ARHGEF12: variants seen among roughly 807,000 people sequenced by gnomAD.
ARHGEF12 encodes KMT2A/ARHGEF12 fusion protein.
A neutral mutation model predicts 211.2 loss-of-function variants in ARHGEF12; 66 were observed. The observed-to-expected ratio is 0.31, with a 90% confidence interval of 0.26 to 0.38. The LOEUF is 0.38. ARHGEF12 is among the 10% of genes least tolerant of loss of function. The probability of loss-of-function intolerance (pLI) is 1.00; values close to 1 mark genes in which losing one functional copy is unlikely to be tolerated. For synonymous variants in ARHGEF12, 592 were observed against 638.4 expected (o/e 0.93, Z 1.09); for missense variants, 1,429 against 1,869.5 (o/e 0.76, Z 4.34).
At chr11:120,371,356 C>T (rs536266642) in intron 1 of ARHGEF12, among the ~76,000 whole-genome samples, 1 of 152,128 alleles carries the variant, frequency 6.6e-6, no homozygotes, top group Admixed American at 6.5e-5. Context: ...GGTGTGCTGG[C>T]GCATGCCTGT....
rs773639284 is a variant in ARHGEF12, at chr11:120,469,296, A to G, written c.2863A>G (p.Thr955Ala). 9.9e-6 allele frequency: 16 copies of G among 1,612,026 alleles called. No homozygotes were observed. The highest frequency in any genetic ancestry group is 6.6e-5 in the South Asian group (6 of 90,670). Residue 955 changes from threonine to alanine, a missense_variant, in exon 30 of 41, where the codon ACA (threonine) becomes GCA (alanine). Around this residue, in one of 7 missense-constraint regions of ARHGEF12, gnomAD observed 223 missense variants for 444.6 expected, o/e 0.50. Coordinates refer to ENST00000397843, the MANE Select transcript of ARHGEF12 (RefSeq NM_015313.3). ...TTCTTTCCCATATTTAGAATGGCCAACAGAAAGGGAGAAGGTGAAGAAAGC... is the reference window on the plus strand; with the variant it reads ...TTCTTTCCCATATTTAGAATGGCCAGCAGAAAGGGAGAAGGTGAAGAAAGC... ...DNIAKYTEWP[T>A]EREKVKKAAD...
chr11:120,436,912 C>T (rs2135755768), intron 11 of ARHGEF12, among the ~76,000 whole-genome samples: 1 of 152,168 alleles, frequency 6.6e-6, no homozygotes, highest in South Asian at 2.1e-4. Flanking sequence ...CTTAATTGTA[C>T]TCATAAGTAG....
At chr11:120,438,078 T>C (rs958467288) in intron 12 of ARHGEF12, among the ~76,000 whole-genome samples, 1 of 152,226 alleles carries the variant, frequency 6.6e-6, no homozygotes, top group Non-Finnish European at 1.5e-5. Context: ...TTGTTTGATC[T>C]TACGTATTCT....
At chr11:120,423,748 G>A (rs1207763640) in intron 6 of ARHGEF12, among the ~76,000 whole-genome samples, 1 of 152,018 alleles carries the variant, frequency 6.6e-6, no homozygotes, top group East Asian at 1.9e-4. Context: ...TTGTACTTCT[G>A]TTTTTTACAC....
intron 1 of ARHGEF12, among the ~76,000 whole-genome samples, chr11:120,384,520 G>A (rs1299341281): frequency 4.6e-5 from 7 of 152,290 alleles, no homozygotes; most frequent in Non-Finnish European, 8.8e-5. Flanking sequence ...ATTTTTTAGA[G>A]CAGTGTTTGA....
chr11:120,360,925 TA>T (rs1456902943), intron 1 of ARHGEF12, among the ~76,000 whole-genome samples: 1 of 152,190 alleles, frequency 6.6e-6, no homozygotes, highest in African/African-American at 2.4e-5. Context: ...CAGTTAGCAA[TA>T]AAAGGGCCTT....
rs1942373545 is a variant in ARHGEF12 at position 120,337,130 on chromosome 11, G to C, written c.-114G>C. On this transcript the variant is annotated 5_prime_UTR_variant, in exon 1 of 41. Transcript: ENST00000397843. ...GATGACTGAATGGAGTTTTGAGTTG[G>C]ACTTTTGTGTCCCTGACGGAGTTGG... 8 of 1,304,404 alleles carry C rather than the reference G, an allele frequency of 6.1e-6. No homozygotes were observed. Among genetic ancestry groups the C allele is most frequent in the African/African-American group, 2.9e-5 (2 of 69,036 alleles). The allele number at this position is 1,304,404 out of a possible 1,614,324, so 80.8% of individuals were successfully genotyped here.
At chr11:120,380,408 T>A (rs868175702) in intron 1 of ARHGEF12, among the ~76,000 whole-genome samples, 1 of 152,208 alleles carries the variant, frequency 6.6e-6, no homozygotes, top group Admixed American at 6.5e-5. Context: ...GGATCAAATT[T>A]AGGATACCAC....
At chr11:120,453,981 T>C (rs899347578) in intron 22 of ARHGEF12, among the ~76,000 whole-genome samples, 2 of 152,304 alleles carry the variant, frequency 1.3e-5, no homozygotes, top group East Asian at 1.9e-4. Flanking sequence ...CTGTCACTTG[T>C]AGACTAGAAG....
Position 120,385,547 on chromosome 11 carries a change from A to G in ARHGEF12, c.33-20571A>G, listed in dbSNP as rs145592488. On this transcript the variant is annotated intron_variant, in intron 1 of 40. Transcript: ENST00000397843. ...ATAAAATGGAGCAAAATGGTAGAAAAATAGCTTCAGTGAAAGGGATGTACC... is the reference window on the plus strand; with the variant it reads ...ATAAAATGGAGCAAAATGGTAGAAAGATAGCTTCAGTGAAAGGGATGTACC... 323 of 935,570 alleles carry G rather than the reference A, an allele frequency of 3.5e-4. No homozygotes were observed. The African/African-American group carries it at 3.9e-3, about 11-fold the overall frequency. 58.0% of individuals were successfully genotyped at this position (935,570 alleles called of 1,614,324 possible). A position where few individuals can be genotyped will look rare whatever the true frequency, so the allele number is the denominator to read the frequency against.
chr11:120,399,321 CAAAAAAAAA>C (rs71050743), intron 1 of ARHGEF12, among the ~76,000 whole-genome samples: 291 of 36,490 alleles, frequency 8.0e-3, no homozygotes, highest in Middle Eastern at 0.028. Context: ...ACATTGTCTC[CAAAAAAAAA>C]AAAAAAAAAA....
intron 1 of ARHGEF12, among the ~76,000 whole-genome samples, chr11:120,363,094 C>T (rs990893082): frequency 5.3e-5 from 8 of 151,898 alleles, no homozygotes; most frequent in East Asian, 1.9e-4. Flanking sequence ...AGCGAGACTC[C>T]GTCTCAAAAA....
chr11:120,397,674 CA>C (rs1250335025), intron 1 of ARHGEF12, among the ~76,000 whole-genome samples: 1 of 152,166 alleles, frequency 6.6e-6, no homozygotes, highest in Non-Finnish European at 1.5e-5. Flanking sequence ...AAAAACAAAG[CA>C]GCTCTGATAT....
At chr11:120,376,221 A>G (rs953202131) in intron 1 of ARHGEF12, among the ~76,000 whole-genome samples, 1 of 116,656 alleles carries the variant, frequency 8.6e-6, no homozygotes, top group Non-Finnish European at 1.8e-5. Context: ...TGAAATGTTA[A>G]ATTTTTTTTT....
chr11:120,395,559 T>C (rs1944357468), intron 1 of ARHGEF12, among the ~76,000 whole-genome samples: 1 of 152,186 alleles, frequency 6.6e-6, no homozygotes. Context: ...GACTGGGTAA[T>C]TTATAAAGGA....
chr11:120,429,779 AAC>A lies in ARHGEF12; in HGVS notation c.735_736del (p.Ile246SerfsTer34), dbSNP rs1347971269. The stretch of plus-strand genomic sequence containing the variant: ...CTAAAAGAGATCCAAGAGGCCAAGA[AAC>A]ACATTCCTCAGCTGCAAGAGCAGTT... On this transcript the variant is annotated frameshift_variant, in exon 10 of 41. Coordinates refer to ENST00000397843, the MANE Select transcript of ARHGEF12 (RefSeq NM_015313.3). LOFTEE classifies it high-confidence loss of function. 6.2e-7 allele frequency: 1 copy of A among 1,613,926 alleles called. No homozygotes were observed. Among genetic ancestry groups the A allele is most frequent in the Admixed American group, 1.7e-5 (1 of 60,024 alleles).
Position 120,412,056 on chromosome 11 carries a change from G to A in ARHGEF12, c.199+2606G>A, listed in dbSNP as rs1014923009. ...TTTTTTTGTTACATTTCTGCCCAGTGCGGTCAGTTGGTTATTTATTCCATT... is the reference window on the plus strand; with the variant it reads ...TTTTTTTGTTACATTTCTGCCCAGTACGGTCAGTTGGTTATTTATTCCATT... On this transcript the variant is annotated intron_variant, in intron 4 of 40. Coordinates refer to ENST00000397843, the MANE Select transcript of ARHGEF12 (RefSeq NM_015313.3). 7.9e-5 allele frequency among the ~76,000 whole-genome samples: 12 copies of A among 152,128 alleles called. 1 individual carries two copies. The highest frequency in any genetic ancestry group is 3.3e-4 in the Admixed American group (5 of 15,272).
intron 22 of ARHGEF12, among the ~76,000 whole-genome samples, chr11:120,451,982 T>C (rs1349425785): frequency 6.6e-6 from 1 of 152,230 alleles, no homozygotes; most frequent in African/African-American, 2.4e-5. Flanking sequence ...TATACACAGA[T>C]GCTTGCCTCA....
intron 4 of ARHGEF12, among the ~76,000 whole-genome samples, chr11:120,416,197 ACCTC>A (rs1326802188): frequency 6.6e-6 from 1 of 151,838 alleles, no homozygotes; most frequent in Non-Finnish European, 1.5e-5. Flanking sequence ...CTCTCCGATG[ACCTC>A]CCTTTCTGAG....
Sources: allele counts gnomAD v4.1 joint callset (sites outside exome capture counted in the v4.1 genomes callset), GRCh38; gene constraint gnomAD v4.1.1; regional missense constraint gnomAD v4.1.1; transcripts MANE v1.5; gene names NCBI Gene and HGNC (gene_info 2026-07-23, HGNC 2026-07-21).